Variants in ASIC2 observed in about 807,000 individuals in gnomAD.
ASIC2 encodes acid-sensing ion channel 2.
A neutral mutation model predicts 57.3 loss-of-function variants in ASIC2; 25 were observed. The ratio of observed to expected loss-of-function variants is 0.44; its 90% CI spans 0.32 to 0.61. ASIC2 has a LOEUF of 0.61. ASIC2 is among the 20% of genes least tolerant of loss of function. ASIC2 has a pLI of 0.06. For synonymous variants in ASIC2, 319 were observed against 307.5 expected, an observed-to-expected ratio of 1.04 and a Z score of -0.39; for missense variants, 641 against 738.1, an observed-to-expected ratio of 0.87 and a Z score of 1.52.
intron 3 of ASIC2, among the ~76,000 whole-genome samples, chr17:33,049,653 C>G (rs1410737563): frequency 6.6e-6 from 1 of 152,204 alleles, no homozygotes; most frequent in Non-Finnish European, 1.5e-5. Context: ...TTATTATTGC[C>G]TGTAGACCAT....
At chr17:33,414,148 A>G (rs1378924733) in intron 1 of ASIC2, among the ~76,000 whole-genome samples, 2 of 152,160 alleles carry the variant, frequency 1.3e-5, no homozygotes, top group African/African-American at 4.8e-5. Context: ...AACACAAGGA[A>G]GGTACACGCC....
Position 33,030,601 on chromosome 17 carries a change from C to T in ASIC2, c.988-2209G>A, listed in dbSNP as rs535821809. Among the ~76,000 whole-genome samples the T allele has an allele frequency of 8.5e-5, 13 of 152,102 alleles. No homozygotes were observed. In the South Asian group the frequency reaches 1.5e-3, roughly 17 times the overall value. ...GAGAGGATATCTTCCCTTTTTCCAT[C>T]TTAGGAAGGAGGGTTCATTATTACA... On this transcript the variant is annotated intron_variant, in intron 3 of 9. Coordinates refer to ENST00000225823, the MANE Select transcript of ASIC2 (RefSeq NM_183377.2).
intron 1 of ASIC2, among the ~76,000 whole-genome samples, chr17:33,619,423 G>A (rs1047169246): frequency 6.6e-6 from 1 of 152,086 alleles, no homozygotes; most frequent in African/African-American, 2.4e-5. Flanking sequence ...GAAAAAAGGT[G>A]CAAGTGCAAC....
intron 1 of ASIC2, among the ~76,000 whole-genome samples, chr17:33,223,963 T>C (rs1159688732): frequency 1.3e-5 from 2 of 152,342 alleles, no homozygotes; most frequent in East Asian, 3.9e-4. Flanking sequence ...ACCAGATTTT[T>C]GCACATGACA....
intron 1 of ASIC2, among the ~76,000 whole-genome samples, chr17:34,025,395 G>A (rs773616117): frequency 3.9e-5 from 6 of 152,264 alleles, no homozygotes; most frequent in South Asian, 4.2e-4. Context: ...GCACCCCCTC[G>A]TGGAGTGGAC....
At chr17:33,575,412 G>C (rs1267012378) in intron 1 of ASIC2, among the ~76,000 whole-genome samples, 1 of 152,202 alleles carries the variant, frequency 6.6e-6, no homozygotes, top group Non-Finnish European at 1.5e-5. Context: ...TGTAGAGTGT[G>C]ATATAAAGGA....
At chr17:33,956,361 A>G (rs1052181101) in intron 1 of ASIC2, among the ~76,000 whole-genome samples, 1 of 152,148 alleles carries the variant, frequency 6.6e-6, no homozygotes, top group Admixed American at 6.5e-5. Context: ...AAGTTCTTTC[A>G]TATTTGTGAG....
At chr17:33,279,578 C>T (rs1478119027) in intron 1 of ASIC2, among the ~76,000 whole-genome samples, 2 of 151,976 alleles carry the variant, frequency 1.3e-5, no homozygotes, top group Non-Finnish European at 2.9e-5. Context: ...AGTGAGGTAG[C>T]CAGGGGTCAA....
At chr17:33,333,761 C>G (rs1907407116) in intron 1 of ASIC2, among the ~76,000 whole-genome samples, 1 of 152,150 alleles carries the variant, frequency 6.6e-6, no homozygotes, top group Admixed American at 6.5e-5. Context: ...CTGCCTGTGC[C>G]TATAGGCTCC....
intron 1 of ASIC2, among the ~76,000 whole-genome samples, chr17:33,879,369 C>T (rs539666843): frequency 2.0e-4 from 31 of 152,300 alleles, no homozygotes; most frequent in Non-Finnish European, 3.4e-4. Flanking sequence ...ACCCATTTCA[C>T]GTGCAGAGAC....
intron 2 of ASIC2, among the ~76,000 whole-genome samples, chr17:33,106,839 C>A (rs2092236704): frequency 6.6e-6 from 1 of 152,026 alleles, no homozygotes; most frequent in Non-Finnish European, 1.5e-5. Flanking sequence ...AACTTAGGCT[C>A]TGTTAGGAGC....
At chr17:33,305,113 G>T (rs910523792) in intron 1 of ASIC2, among the ~76,000 whole-genome samples, 4 of 152,162 alleles carry the variant, frequency 2.6e-5, no homozygotes, top group Non-Finnish European at 4.4e-5. Context: ...AACGTGGCAG[G>T]CATGGTGCTA....
intron 1 of ASIC2, among the ~76,000 whole-genome samples, chr17:33,155,639 A>C (rs1202764778): frequency 2.8e-5 from 4 of 145,286 alleles, no homozygotes; most frequent in Non-Finnish European, 6.0e-5. Flanking sequence ...GGATCACTGC[A>C]ACCTCAGCCT....
intron 3 of ASIC2, among the ~76,000 whole-genome samples, chr17:33,039,639 C>T (rs938308427): frequency 6.6e-6 from 1 of 152,174 alleles, no homozygotes; most frequent in African/African-American, 2.4e-5. Flanking sequence ...CTCTGTTCTG[C>T]ATAATAGGAC....
At chr17:33,170,667 A>T (rs1352131888) in intron 1 of ASIC2, among the ~76,000 whole-genome samples, 1 of 152,232 alleles carries the variant, frequency 6.6e-6, no homozygotes, top group African/African-American at 2.4e-5. Flanking sequence ...AGGAAGGGCA[A>T]GAAGGGCTAG....
At chr17:34,036,680 G>GTTTTTT (rs71147413) in intron 1 of ASIC2, 156 of 100,560 alleles carry the variant, frequency 1.6e-3, no homozygotes, top group Non-Finnish European at 2.6e-3. Context: ...CTTTGAATTT[G>GTTTTTT]TTTTTTTTTT....
At chr17:33,043,028 G>T (rs554929087) in intron 3 of ASIC2, among the ~76,000 whole-genome samples, 7 of 149,474 alleles carry the variant, frequency 4.7e-5, no homozygotes, top group Middle Eastern at 3.4e-3. Flanking sequence ...CCAGGTTCAT[G>T]CCATTCTCCT....
chr17:34,016,919 G>A (rs907553098), intron 1 of ASIC2, among the ~76,000 whole-genome samples: 4 of 152,150 alleles, frequency 2.6e-5, no homozygotes, highest in African/African-American at 9.7e-5. Context: ...TAGTTTATCA[G>A]AATAAAATGA....
At position 33,291,975 on chromosome 17, in the gene ASIC2, C is replaced by T. The variant is rs1317415076; in HGVS notation, c.141G>A (p.Ala47=). The change falls in exon 1 of 10, where the codon GCG becomes GCA. Residue 47 remains alanine, a synonymous_variant. Coordinates refer to ENST00000225823, the MANE Select transcript of ASIC2 (RefSeq NM_183377.2). ...QPGGGRGGER[A]LQGPGVARRG... is the part of the protein sequence containing the mutation. ...TGCGGGCGACCCCTGGCCCCTGCAG[C>T]GCCCGCTCGCCGCCTCTGCCGCCCC... 8 of 1,317,948 alleles carry T rather than the reference C, an allele frequency of 6.1e-6. No individual in the cohort carries two copies. Among genetic ancestry groups the T allele is most frequent in the Non-Finnish European group, 7.7e-6 (8 of 1,044,720 alleles). The allele number at this position is 1,317,948 out of a possible 1,614,324, so 81.6% of individuals were successfully genotyped here. A position where few individuals can be genotyped will look rare whatever the true frequency, so the allele number is the denominator to read the frequency against.
Sources: allele counts gnomAD v4.1 joint callset (sites outside exome capture counted in the v4.1 genomes callset), GRCh38; gene constraint gnomAD v4.1.1; transcripts MANE v1.5; gene names NCBI Gene and HGNC (gene_info 2026-07-23, HGNC 2026-07-21).